ALDH1L2: variants seen among roughly 807,000 people sequenced by gnomAD.
ALDH1L2 encodes mitochondrial 10-formyltetrahydrofolate dehydrogenase.
A neutral mutation model predicts 111.0 loss-of-function variants in ALDH1L2; 91 were observed. The ratio of observed to expected loss-of-function variants is 0.82; its 90% CI spans 0.69 to 0.98. The LOEUF is 0.98. ALDH1L2 is among the 50% of genes least tolerant of loss of function. ALDH1L2 has a pLI of 0.00. For synonymous variants in ALDH1L2, 374 were observed against 392.6 expected (o/e 0.95, Z 0.56); for missense variants, 995 against 1,126.8 (o/e 0.88, Z 1.67).
chr12:105,028,174 G>T (rs185614912), intron 21 of ALDH1L2, among the ~76,000 whole-genome samples: 1 of 152,064 alleles, frequency 6.6e-6, no homozygotes, highest in Non-Finnish European at 1.5e-5. Context: ...GCAGTGGTGC[G>T]ATCTCGGCTC....
At chr12:105,046,173 CTCTCTCTCTCTCTCTCTCTCTATATA>C (rs1203120438) in intron 15 of ALDH1L2, among the ~76,000 whole-genome samples, 449 of 32,790 alleles carry the variant, frequency 0.014, 1 homozygote, top group Non-Finnish European at 0.018. Flanking sequence ...CTCTCTCTCT[CTCTCTCTCTCTCTCTCTCTCTATATA>C]TATATATATA....
At chr12:105,063,199 G>A (rs1451535203) in intron 6 of ALDH1L2, among the ~76,000 whole-genome samples, 177 bp from the exon 7 acceptor site, 1 of 152,158 alleles carries the variant, frequency 6.6e-6, no homozygotes, top group Non-Finnish European at 1.5e-5. Context: ...CAAGGTGGCC[G>A]GGCACAGTGG....
chr12:105,028,837 C>T (rs1422780874), intron 21 of ALDH1L2, among the ~76,000 whole-genome samples: 1 of 152,082 alleles, frequency 6.6e-6, no homozygotes, highest in African/African-American at 2.4e-5. Flanking sequence ...CTCAGAATGA[C>T]CTAAGGAGGT....
chr12:105,071,194 A>T (rs1877663380), intron 2 of ALDH1L2, among the ~76,000 whole-genome samples: 1 of 152,260 alleles, frequency 6.6e-6, no homozygotes. Context: ...ACAGCTAGAA[A>T]GCCATGAAAC....
intron 1 of ALDH1L2, among the ~76,000 whole-genome samples, chr12:105,078,433 T>C (rs1417185318): frequency 6.6e-6 from 1 of 152,154 alleles, no homozygotes; most frequent in Non-Finnish European, 1.5e-5. Flanking sequence ...CACTCCAGCC[T>C]GGGCGACAGA....
chr12:105,073,872 GC>G lies in ALDH1L2; in HGVS notation c.181del (p.Ala61LeufsTer42). Reference sequence around the variant, plus strand: ...CAAGATGCACTCACCCAGAGGGTCAGCTTTTCCATCCTTGTCTGGAACTGTG... The same window carrying G: ...CAAGATGCACTCACCCAGAGGGTCAGTTTTCCATCCTTGTCTGGAACTGTG... Reference protein sequence around the residue: ...VFTVPDKDGKADPLALAAEKD... With the variant: ...VFTVPDKDGKXDPLALAAEKD... On this transcript the variant is annotated frameshift_variant, in exon 2 of 23. Coordinates refer to ENST00000258494, the MANE Select transcript of ALDH1L2 (RefSeq NM_001034173.4). LOFTEE classifies it high-confidence loss of function. The G allele has an allele frequency of 1.2e-6, 2 of 1,614,088 alleles. No homozygotes were observed. The highest frequency in any genetic ancestry group is 1.7e-6 in the Non-Finnish European group (2 of 1,180,022).
chr12:105,058,941 A>G (rs1876807862), intron 9 of ALDH1L2, among the ~76,000 whole-genome samples: 2 of 152,092 alleles, frequency 1.3e-5, no homozygotes, highest in Admixed American at 6.6e-5. Flanking sequence ...TAATTCCTGC[A>G]GGAGTATCTT....
At chr12:105,037,721 T>TA (rs1203602151) in intron 18 of ALDH1L2, among the ~76,000 whole-genome samples, 2 of 151,692 alleles carry the variant, frequency 1.3e-5, no homozygotes, top group East Asian at 1.9e-4. Flanking sequence ...AGATCTCTGA[T>TA]AAAAAAGGAG....
At position 105,031,017 on chromosome 12, in the gene ALDH1L2, G is replaced by A. The variant is rs546060909; in HGVS notation, c.2411-588C>T. On this transcript the variant is annotated intron_variant, in intron 20 of 22. Coordinates refer to ENST00000258494, the MANE Select transcript of ALDH1L2 (RefSeq NM_001034173.4). ...TCTTCCCCTTATTTTTTATGCTATC[G>A]TCATGTTAAAGAGACTGGGTCAGTT... 4.6e-5 allele frequency among the ~76,000 whole-genome samples: 7 copies of A among 152,088 alleles called. No individual in the cohort carries two copies. The East Asian group carries it at 1.2e-3, about 25-fold the overall frequency.
intron 10 of ALDH1L2, among the ~76,000 whole-genome samples, chr12:105,056,570 A>C (rs192976343): frequency 6.6e-6 from 1 of 152,212 alleles, no homozygotes; most frequent in Non-Finnish European, 1.5e-5. Context: ...TAAAGCAATA[A>C]TTATAAAACT....
chr12:105,042,199 C>G (rs1368227124), intron 15 of ALDH1L2, among the ~76,000 whole-genome samples: 1 of 152,134 alleles, frequency 6.6e-6, no homozygotes, highest in Non-Finnish European at 1.5e-5. Flanking sequence ...TACCTTTATC[C>G]GATATCTTAG....
chr12:105,026,166 G>T (rs994948809), intron 22 of ALDH1L2, among the ~76,000 whole-genome samples: 1 of 152,088 alleles, frequency 6.6e-6, no homozygotes, highest in East Asian at 1.9e-4. Context: ...CTTGGAGCTC[G>T]CTGGTTATTG....
intron 12 of ALDH1L2, 133 bp downstream of exon 12, chr12:105,051,957 C>T: frequency 2.4e-6 from 2 of 816,662 alleles, no homozygotes; most frequent in Non-Finnish European, 1.7e-6. Context: ...CCTGTAATCC[C>T]AGCACTTTGG....
intron 15 of ALDH1L2, among the ~76,000 whole-genome samples, chr12:105,046,213 ATATATATATTTTTTTTTTTTT>A (rs1478234516): frequency 6.0e-4 from 26 of 43,398 alleles, no homozygotes; most frequent in Admixed American, 1.7e-3. Context: ...ATATATATAT[ATATATATATTTTTTTTTTTTT>A]TTTTTTTTTT....
chr12:105,025,835 G>T (rs1325171525), intron 22 of ALDH1L2, among the ~76,000 whole-genome samples: 1 of 152,158 alleles, frequency 6.6e-6, no homozygotes, highest in Non-Finnish European at 1.5e-5. Flanking sequence ...TCTGTGACTT[G>T]AGGCAACTCA....
At chr12:105,082,148 TG>T (rs1292382007) in intron 1 of ALDH1L2, among the ~76,000 whole-genome samples, 1 of 152,230 alleles carries the variant, frequency 6.6e-6, no homozygotes, top group Non-Finnish European at 1.5e-5. Flanking sequence ...GAGTCAAGAT[TG>T]TGCCACTGCG....
chr12:105,067,084 T>C (rs1370931700), intron 4 of ALDH1L2, among the ~76,000 whole-genome samples: 10 of 151,498 alleles, frequency 6.6e-5, no homozygotes, highest in African/African-American at 1.2e-4. Context: ...GGCGTGGTGG[T>C]GGGCGCCTGT....
At chr12:105,074,653 T>C (rs1275425091) in intron 1 of ALDH1L2, among the ~76,000 whole-genome samples, 1 of 152,022 alleles carries the variant, frequency 6.6e-6, no homozygotes, top group Non-Finnish European at 1.5e-5. Flanking sequence ...CCAATCTAAA[T>C]GGGATTCGCT....
intron 21 of ALDH1L2, 115 bp from the exon 22 acceptor site, chr12:105,026,859 T>A: frequency 3.1e-6 from 4 of 1,282,614 alleles, no homozygotes; most frequent in Non-Finnish European, 4.3e-6. Context: ...GCCATCTGCT[T>A]AAATGTTTTT....
Sources: allele counts gnomAD v4.1 joint callset (sites outside exome capture counted in the v4.1 genomes callset), GRCh38; gene constraint gnomAD v4.1.1; transcripts MANE v1.5; gene names NCBI Gene and HGNC (gene_info 2026-07-23, HGNC 2026-07-21).